The following LARP4 variants were observed in gnomAD, a reference collection of about 807,000 sequenced individuals.
LARP4 encodes la-related protein 4.
A neutral mutation model predicts 92.9 loss-of-function variants in LARP4; 29 were observed. That is an observed-to-expected ratio of 0.31 (90% CI 0.23 to 0.43). The LOEUF is 0.43. LARP4 is among the 20% of genes least tolerant of loss of function. The pLI, the probability that LARP4 is intolerant of heterozygous loss-of-function variation, is 1.00. For synonymous variants in LARP4, 279 were observed against 284.1 expected (o/e 0.98, Z 0.18); for missense variants, 732 against 860.0 (o/e 0.85, Z 1.86).
At chr12:50,429,846 C>G (rs1248559454) in intron 3 of LARP4, among the ~76,000 whole-genome samples, 1 of 152,106 alleles carries the variant, frequency 6.6e-6, no homozygotes, top group Non-Finnish European at 1.5e-5. Flanking sequence ...ACCATGTTGG[C>G]CAGGCTGGTC....
At chr12:50,448,197 G>A (rs1312083947) in intron 8 of LARP4, among the ~76,000 whole-genome samples, 1 of 152,076 alleles carries the variant, frequency 6.6e-6, no homozygotes, top group Non-Finnish European at 1.5e-5. Flanking sequence ...TGGCAAAATG[G>A]ACATACAATA....
intron 8 of LARP4, among the ~76,000 whole-genome samples, chr12:50,445,242 A>G (rs1951831243): frequency 6.6e-6 from 1 of 152,128 alleles, no homozygotes; most frequent in South Asian, 2.1e-4. Flanking sequence ...GAATGCAGGG[A>G]TGACAGCTAA....
At chr12:50,451,037 GCT>G (rs1953099397) in intron 8 of LARP4, among the ~76,000 whole-genome samples, 1 of 152,082 alleles carries the variant, frequency 6.6e-6, no homozygotes, top group African/African-American at 2.4e-5. Context: ...TTTCCCCACA[GCT>G]TTATTAAGTT....
At chr12:50,446,251 C>G (rs1952026792) in intron 8 of LARP4, among the ~76,000 whole-genome samples, 1 of 146,858 alleles carries the variant, frequency 6.8e-6, no homozygotes, top group South Asian at 2.2e-4. Context: ...CATGATCTGC[C>G]CACCTCAGCC....
chr12:50,428,212 G>C (rs533390087), intron 2 of LARP4, among the ~76,000 whole-genome samples: 19 of 151,944 alleles, frequency 1.3e-4, no homozygotes, highest in Non-Finnish European at 2.6e-4. Flanking sequence ...ATTTTTAGTA[G>C]AGATGGGGTT....
chr12:50,423,877 G>T (rs951119187), intron 1 of LARP4, among the ~76,000 whole-genome samples: 1 of 150,654 alleles, frequency 6.6e-6, no homozygotes, highest in African/African-American at 2.4e-5. Context: ...TCAGCCTCCC[G>T]AGTAGTAGCT....
intron 6 of LARP4, among the ~76,000 whole-genome samples, chr12:50,440,212 G>A (rs1051162210): frequency 1.3e-5 from 2 of 152,164 alleles, no homozygotes; most frequent in African/African-American, 4.8e-5. Context: ...TCAGGCGGAA[G>A]GATCGCTTGC....
At chr12:50,401,960 C>G (rs1487171638) in intron 1 of LARP4, among the ~76,000 whole-genome samples, 1 of 152,158 alleles carries the variant, frequency 6.6e-6, no homozygotes, top group Non-Finnish European at 1.5e-5. Context: ...TGAGTAGATT[C>G]CAGATCATAT....
intron 12 of LARP4, among the ~76,000 whole-genome samples, chr12:50,465,394 G>GGA (rs1565733235): frequency 1.4e-4 from 20 of 147,310 alleles, no homozygotes; most frequent in African/African-American, 5.0e-4. Context: ...AAAAAAGAGA[G>GGA]ATTAGATTTG....
intron 8 of LARP4, among the ~76,000 whole-genome samples, chr12:50,448,304 C>T (rs1431159028): frequency 2.0e-5 from 3 of 152,168 alleles, no homozygotes; most frequent in Admixed American, 6.6e-5. Context: ...AATACATTCA[C>T]AATGATTTGC....
At chr12:50,462,051 C>G (rs748796015) in intron 11 of LARP4, among the ~76,000 whole-genome samples, 3 of 152,124 alleles carry the variant, frequency 2.0e-5, no homozygotes, top group Non-Finnish European at 4.4e-5. Context: ...TCACTACTAA[C>G]AAATGGGCTC....
At chr12:50,403,857 T>C (rs1322711656) in intron 1 of LARP4, among the ~76,000 whole-genome samples, 1 of 152,186 alleles carries the variant, frequency 6.6e-6, no homozygotes, top group Non-Finnish European at 1.5e-5. Context: ...ACGTTTGATG[T>C]TTTTGCATAT....
chr12:50,436,812 G>A (rs1950524076), intron 5 of LARP4, among the ~76,000 whole-genome samples: 1 of 152,202 alleles, frequency 6.6e-6, no homozygotes, highest in African/African-American at 2.4e-5. Context: ...TAGACTTACA[G>A]TGGAATAGAT....
At chr12:50,439,863 C>G (rs1214572274) in intron 6 of LARP4, among the ~76,000 whole-genome samples, 2 of 151,812 alleles carry the variant, frequency 1.3e-5, no homozygotes, top group Non-Finnish European at 2.9e-5. Context: ...ATCCATATAG[C>G]TGTTGGAGTT....
rs1316642573 is a variant in LARP4, at chr12:50,462,640, T to G, written c.1383+10T>G. 2.6e-6 allele frequency: 4 copies of G among 1,567,940 alleles called. No homozygotes were observed. The Admixed American group carries it at 6.9e-5, about 27-fold the overall frequency. ...AGATGACAGGATCTCAGTAAGTTTTTTAAAACTTTTATTCAGACTTTTTTC... is the reference window on the plus strand; with the variant it reads ...AGATGACAGGATCTCAGTAAGTTTTGTAAAACTTTTATTCAGACTTTTTTC... On this transcript the variant is annotated intron_variant, in intron 12 of 15. Coordinates refer to ENST00000398473, the MANE Select transcript of LARP4 (RefSeq NM_052879.5).
At chr12:50,422,780 TATA>T (rs1948022432) in intron 1 of LARP4, among the ~76,000 whole-genome samples, 1 of 134,906 alleles carries the variant, frequency 7.4e-6, no homozygotes, top group South Asian at 2.3e-4. Context: ...GTTGGGAAAT[TATA>T]TTATTATTAT....
In LARP4 at chr12:50,429,085, T is replaced by G. The variant is rs1209862636; in HGVS notation, c.317T>G (p.Val106Gly). 4.3e-6 allele frequency: 7 copies of G among 1,611,400 alleles called. No individual in the cohort carries two copies. Among genetic ancestry groups the G allele is most frequent in the East Asian group, 4.5e-5 (2 of 44,792 alleles). ...PEDLSYQIYDVSGESNSAVST... is the reference protein window; with the variant it reads ...PEDLSYQIYDGSGESNSAVST... Reference sequence around the variant, plus strand: ...GATCTGAGTTACCAAATATATGATGTTTCCGGTAAACTTTATGGTTTTATT... The same window carrying G: ...GATCTGAGTTACCAAATATATGATGGTTCCGGTAAACTTTATGGTTTTATT... The change falls in exon 3 of 16, where the codon GTT becomes GGT. Residue 106 changes from valine to glycine, a missense_variant. By Grantham distance (109) the Val-to-Gly change is moderately radical. Transcript: ENST00000398473.
rs1468446493 is a variant in LARP4 at position 50,478,889 on chromosome 12, G to A, written c.*3025G>A. The stretch of plus-strand genomic sequence containing the variant: ...AATATAAGAGCTTTCAATGATAAAG[G>A]TTTGTTGTAGTTGTCTTATGTGCTG... On this transcript the variant is annotated 3_prime_UTR_variant, in exon 16 of 16. Coordinates refer to ENST00000398473, the MANE Select transcript of LARP4 (RefSeq NM_052879.5). The A allele has an allele frequency of 1.4e-4, 22 of 152,134 alleles. No individual in the cohort carries two copies. Among genetic ancestry groups the A allele is most frequent in the Admixed American group, 1.4e-3 (22 of 15,268 alleles). The allele number at this position is 152,134 out of a possible 1,614,324, so 9.4% of individuals were successfully genotyped here.
chr12:50,473,560 C>A (rs1477440854), intron 14 of LARP4, 24 bp downstream of exon 14: 1 of 1,600,794 alleles, frequency 6.2e-7, no homozygotes. Flanking sequence ...TATAGAAGAT[C>A]TTCAACATTA....
Sources: allele counts gnomAD v4.1 joint callset (sites outside exome capture counted in the v4.1 genomes callset), GRCh38; gene constraint gnomAD v4.1.1; transcripts MANE v1.5; gene names NCBI Gene and HGNC (gene_info 2026-07-23, HGNC 2026-07-21).